The following IREB2 variants were observed in gnomAD, a reference collection of about 807,000 sequenced individuals.
IREB2 encodes the protein iron-responsive element-binding protein 2.
A neutral mutation model predicts 118.8 loss-of-function variants in IREB2; 39 were observed. That is an observed-to-expected ratio of 0.33 (90% CI 0.25 to 0.43). The LOEUF (loss-of-function observed/expected upper bound fraction) is 0.43, where lower values mean the gene tolerates loss of function less well. Among genes scored for constraint, IREB2 ranks in the 20% least tolerant of loss-of-function variants. The pLI, the probability that IREB2 is intolerant of heterozygous loss-of-function variation, is 1.00. For synonymous variants in IREB2, 372 were observed against 392.2 expected, an observed-to-expected ratio of 0.95 and a Z score of 0.61; for missense variants, 900 against 1,147.3, an observed-to-expected ratio of 0.78 and a Z score of 3.11.
In IREB2 at chr15:78,484,897, A is replaced by G. The variant is rs1421247185; in HGVS notation, c.1550A>G (p.Asn517Ser). The change falls in exon 12 of 22, where the codon AAT becomes AGT. Residue 517 changes from asparagine (N) to serine (S), a missense_variant. Coordinates refer to ENST00000258886, the MANE Select transcript of IREB2 (RefSeq NM_004136.4). The stretch of plus-strand genomic sequence containing the variant: ...GTTATCAGTTGTACCAATAATTGCA[A>G]TCCATCTGTCATGCTTGCTGCAGGT... Reference protein sequence around the residue: ...AAVISCTNNCNPSVMLAAGLL... With the variant: ...AAVISCTNNCSPSVMLAAGLL... 5.0e-6 allele frequency: 8 copies of G among 1,613,816 alleles called. No individual in the cohort carries two copies. Among genetic ancestry groups the G allele is most frequent in the South Asian group, 1.1e-5 (1 of 91,024 alleles).
At chr15:78,479,312 G>C (rs558692642) in intron 10 of IREB2, among the ~76,000 whole-genome samples, 148 of 151,452 alleles carry the variant, frequency 9.8e-4, no homozygotes, top group African/African-American at 3.4e-3. Flanking sequence ...TTGTAGCCCA[G>C]TGCTTTTGTT....
intron 7 of IREB2, 44 bp from the exon 8 acceptor site, chr15:78,473,198 T>C: frequency 6.4e-7 from 1 of 1,569,794 alleles, no homozygotes; most frequent in Non-Finnish European, 8.7e-7. Flanking sequence ...AGATAAATGA[T>C]CTTTAAATAT....
intron 6 of IREB2, among the ~76,000 whole-genome samples, chr15:78,471,462 T>G (rs1249659915): frequency 2.0e-5 from 3 of 152,226 alleles, no homozygotes; most frequent in African/African-American, 7.2e-5. Flanking sequence ...CATTGAGCCT[T>G]TCTTCCTTCT....
chr15:78,473,475 T>A lies in IREB2; in HGVS notation c.1023+94T>A, dbSNP rs369970616. 13 of 964,126 alleles carry A rather than the reference T, an allele frequency of 1.3e-5. No homozygotes were observed. The Admixed American group carries it at 1.6e-4, about 12-fold the overall frequency. The allele number at this position is 964,126 out of a possible 1,614,324, so 59.7% of individuals were successfully genotyped here. ...GAGAGCAGGGATTTGGGTTCATTAC[T>A]GCATCCTCAGGTCTCTTGACGTTAG... On this transcript the variant is annotated intron_variant, in intron 8 of 21. Coordinates refer to ENST00000258886, the MANE Select transcript of IREB2 (RefSeq NM_004136.4).
chr15:78,477,238 A>G (rs959703214), intron 9 of IREB2, among the ~76,000 whole-genome samples: 3 of 152,180 alleles, frequency 2.0e-5, no homozygotes, highest in African/African-American at 7.2e-5. Flanking sequence ...CTGTGTAACA[A>G]ATTATCCTAA....
chr15:78,494,668 G>C (rs1324577494), intron 20 of IREB2, among the ~76,000 whole-genome samples: 1 of 152,146 alleles, frequency 6.6e-6, no homozygotes, highest in Non-Finnish European at 1.5e-5. Context: ...TGACCTCCCA[G>C]GTGCAATCAG....
intron 9 of IREB2, among the ~76,000 whole-genome samples, chr15:78,477,992 C>A (rs904189083): frequency 6.6e-6 from 1 of 150,822 alleles, no homozygotes; most frequent in African/African-American, 2.4e-5. Flanking sequence ...GAGGCCAAGG[C>A]AGGAGGATCT....
At chr15:78,489,779 G>A (rs1027058951) in intron 16 of IREB2, among the ~76,000 whole-genome samples, 1 of 152,192 alleles carries the variant, frequency 6.6e-6, no homozygotes, top group Non-Finnish European at 1.5e-5. Flanking sequence ...CCAAAGTGTT[G>A]GGTTTACAGG....
chr15:78,487,199 A>G (rs890481770), intron 13 of IREB2, among the ~76,000 whole-genome samples: 3 of 136,992 alleles, frequency 2.2e-5, no homozygotes, highest in African/African-American at 8.0e-5. Context: ...ATTACAATCA[A>G]TGCCTCTTTT....
At chr15:78,490,327 A>T (rs542952914) in intron 16 of IREB2, 95 bp from the exon 17 acceptor site, 1 of 689,298 alleles carries the variant, frequency 1.5e-6, no homozygotes, top group Non-Finnish European at 2.5e-6. Context: ...GTTGTGACCT[A>T]AGTACTATTT....
chr15:78,438,236 TC>T lies in IREB2; in HGVS notation c.-99del, dbSNP rs1172580754. ...TGCGCGAGCCTGCTTCCTTCTTTCC[TC>T]CCTTGCCAGTCCGCCTGTCTTCCTC... On this transcript the variant is annotated 5_prime_UTR_variant, in exon 1 of 22. Coordinates refer to ENST00000258886, the MANE Select transcript of IREB2 (RefSeq NM_004136.4). The T allele has an allele frequency of 1.1e-6, 1 of 906,322 alleles. No individual in the cohort carries two copies. The highest frequency in any genetic ancestry group is 2.6e-5 in the East Asian group (1 of 37,848). The allele number at this position is 906,322 out of a possible 1,614,324, so 56.1% of individuals were successfully genotyped here. A position where few individuals can be genotyped will look rare whatever the true frequency, so the allele number is the denominator to read the frequency against.
chr15:78,476,535 C>G (rs958838470), intron 9 of IREB2, 176 bp downstream of exon 9: 1 of 451,180 alleles, frequency 2.2e-6, no homozygotes, highest in East Asian at 3.2e-5. Flanking sequence ...TCCTCAAACC[C>G]TAGTTCCCTG....
At chr15:78,484,303 G>A (rs913002387) in intron 11 of IREB2, among the ~76,000 whole-genome samples, 1 of 152,056 alleles carries the variant, frequency 6.6e-6, no homozygotes, top group African/African-American at 2.4e-5. Context: ...ATAGTCCACT[G>A]AATTGCCATG....
At chr15:78,486,696 G>A (rs2051666874) in intron 13 of IREB2, among the ~76,000 whole-genome samples, 1 of 152,186 alleles carries the variant, frequency 6.6e-6, no homozygotes, top group African/African-American at 2.4e-5. Flanking sequence ...TTGAGACAGT[G>A]TCTTGCTCTA....
chr15:78,465,397 A>G lies in IREB2; in HGVS notation c.410+9A>G. 3 of 1,605,276 alleles carry G rather than the reference A, an allele frequency of 1.9e-6. No homozygotes were observed. Among genetic ancestry groups the G allele is most frequent in the Non-Finnish European group, 2.6e-6 (3 of 1,176,132 alleles). On this transcript the variant is annotated intron_variant, in intron 4 of 21. Coordinates refer to ENST00000258886, the MANE Select transcript of IREB2 (RefSeq NM_004136.4). ...ATTGACTTCAGTAAATGGTACTTCA[A>G]TGCAGATATTTATAGACAGCCATGC...
chr15:78,455,215 C>T (rs1166583312), intron 2 of IREB2, among the ~76,000 whole-genome samples: 4 of 152,058 alleles, frequency 2.6e-5, no homozygotes, highest in Admixed American at 6.5e-5. Flanking sequence ...CTGGTGCCAA[C>T]GAGTAAGGAG....
At chr15:78,447,417 G>A (rs1046072140) in intron 2 of IREB2, among the ~76,000 whole-genome samples, 6 of 149,854 alleles carry the variant, frequency 4.0e-5, no homozygotes, top group South Asian at 2.1e-4. Flanking sequence ...TGCAACCTCC[G>A]CCTACCAGGT....
chr15:78,442,624 T>G (rs2050861456), intron 2 of IREB2, among the ~76,000 whole-genome samples: 1 of 152,240 alleles, frequency 6.6e-6, no homozygotes, highest in Admixed American at 6.5e-5. Flanking sequence ...TGCCTGCAGC[T>G]GCAAAGAACT....
Position 78,493,985 on chromosome 15 carries a change from A to G in IREB2, c.2401A>G (p.Asn801Asp). The G allele has an allele frequency of 1.2e-6, 2 of 1,614,130 alleles. No individual in the cohort carries two copies. Among genetic ancestry groups the G allele is most frequent in the Non-Finnish European group, 1.7e-6 (2 of 1,179,962 alleles). The change falls in exon 19 of 22, where the codon AAT becomes GAT. Residue 801 changes from asparagine (N) to aspartate (D), a missense_variant. Transcript: ENST00000258886. ...DAVMTRGTFANIKLFNKFIGK... is the reference protein window; with the variant it reads ...DAVMTRGTFADIKLFNKFIGK... ...TGTAATGACAAGAGGCACTTTTGCA[A>G]ATATCAAGCTTTTTAATAAGTTTAT...
Sources: allele counts gnomAD v4.1 joint callset (sites outside exome capture counted in the v4.1 genomes callset), GRCh38; gene constraint gnomAD v4.1.1; transcripts MANE v1.5; gene names NCBI Gene and HGNC (gene_info 2026-07-23, HGNC 2026-07-21).